CEP57: variants seen among roughly 807,000 people sequenced by gnomAD.
CEP57 encodes centrosomal protein 57.
Under a neutral mutation model 68.0 loss-of-function variants are expected in CEP57, and 40 were observed. That is an observed-to-expected ratio of 0.59 (90% CI 0.46 to 0.77). The LOEUF (loss-of-function observed/expected upper bound fraction) is 0.77. CEP57 is among the 30% of genes least tolerant of loss of function. The pLI is 0.00. For missense variants in CEP57, 606 were observed against 580.7 expected, an observed-to-expected ratio of 1.04 and a Z score of -0.45; for synonymous variants, 219 against 198.7, an observed-to-expected ratio of 1.10 and a Z score of -0.86.
chr11:95,794,914 T>TA (rs1192322487), intron 1 of CEP57, among the ~76,000 whole-genome samples: 1 of 152,218 alleles, frequency 6.6e-6, no homozygotes, highest in Non-Finnish European at 1.5e-5. Flanking sequence ...GTCCCCACAC[T>TA]ACTTGTTGAA....
intron 2 of CEP57, among the ~76,000 whole-genome samples, chr11:95,803,585 C>T (rs1350346804): frequency 8.4e-6 from 1 of 118,684 alleles, no homozygotes; most frequent in African/African-American, 3.3e-5. Flanking sequence ...TAATCTACAA[C>T]AACATAAACC....
intron 1 of CEP57, among the ~76,000 whole-genome samples, chr11:95,798,341 C>CT (rs1425031254): frequency 6.6e-6 from 1 of 152,010 alleles, no homozygotes; most frequent in Admixed American, 6.6e-5. Flanking sequence ...TTTCGATAGC[C>CT]TTTGTTTCAG....
chr11:95,824,671 G>C (rs753072645), intron 8 of CEP57, among the ~76,000 whole-genome samples: 4 of 152,130 alleles, frequency 2.6e-5, no homozygotes, highest in African/African-American at 4.8e-5. Flanking sequence ...CCCTATTCTG[G>C]AAAAACATGA....
At chr11:95,793,972 T>G (rs918275846) in intron 1 of CEP57, among the ~76,000 whole-genome samples, 2 of 152,200 alleles carry the variant, frequency 1.3e-5, no homozygotes, top group Non-Finnish European at 2.9e-5. Flanking sequence ...AAGATCCTTC[T>G]GTAATGACCA....
Position 95,828,004 on chromosome 11 carries a change from G to A in CEP57, c.1104G>A (p.Gln368=), listed in dbSNP as rs1590958462. Residue 368 remains glutamine, a synonymous_variant, in exon 9 of 11, where the codon CAG becomes CAA. Coordinates refer to ENST00000325542, the MANE Select transcript of CEP57 (RefSeq NM_014679.5). Reference sequence around the variant, plus strand: ...TGTCAGAAGTCTTACAGACTTTACAGGATGAATTTGGGCAAATGAGCTTGT... The same window carrying A: ...TGTCAGAAGTCTTACAGACTTTACAAGATGAATTTGGGCAAATGAGCTTGT... ...EELSEVLQTL[Q]DEFGQMSFDH... is the part of the protein sequence containing the mutation. 6.2e-7 allele frequency: 1 copy of A among 1,613,910 alleles called. No homozygotes were observed. Among genetic ancestry groups the A allele is most frequent in the Non-Finnish European group, 8.5e-7 (1 of 1,179,942 alleles).
intron 8 of CEP57, chr11:95,827,508 A>C: frequency 2.5e-6 from 1 of 395,452 alleles, no homozygotes. Context: ...GTTTGTTCAC[A>C]AAATGGAGAG....
intron 2 of CEP57, among the ~76,000 whole-genome samples, chr11:95,811,442 A>AGG (rs775662281): frequency 0.023 from 691 of 29,586 alleles, 6 homozygotes; most frequent in Non-Finnish European, 0.033. Context: ...GGTTGGGGGG[A>AGG]GGGGGGAGGG....
intron 6 of CEP57, 104 bp from the exon 7 acceptor site, chr11:95,821,767 A>G: frequency 1.3e-6 from 1 of 748,876 alleles, no homozygotes; most frequent in South Asian, 1.5e-5. Context: ...TTTTTCAGTT[A>G]GATACTACCA....
At chr11:95,797,084 C>G (rs1427359699) in intron 1 of CEP57, among the ~76,000 whole-genome samples, 1 of 152,024 alleles carries the variant, frequency 6.6e-6, no homozygotes, top group Non-Finnish European at 1.5e-5. Flanking sequence ...CCGCTGGTCA[C>G]TGGGCTCAAT....
At chr11:95,801,917 A>G (rs981446658) in intron 2 of CEP57, among the ~76,000 whole-genome samples, 5 of 152,202 alleles carry the variant, frequency 3.3e-5, no homozygotes, top group African/African-American at 1.2e-4. Flanking sequence ...TATTTAAGCA[A>G]TGTCCCAGGA....
At chr11:95,796,637 A>T (rs1861360769) in intron 1 of CEP57, among the ~76,000 whole-genome samples, 1 of 152,196 alleles carries the variant, frequency 6.6e-6, no homozygotes, top group African/African-American at 2.4e-5. Flanking sequence ...TAATTTCTCC[A>T]GCAAAAATTC....
rs1442739902 is a variant in CEP57 at position 95,832,058 on chromosome 11, T to TA, written c.*804dup. On this transcript the variant is annotated 3_prime_UTR_variant, in exon 11 of 11. Coordinates refer to ENST00000325542, the MANE Select transcript of CEP57 (RefSeq NM_014679.5). ...TATTCAGTCAAGGCATTATGGTTTT[T>TA]AATCTTGAAACTTAGAGAACCCTTT... 6.6e-6 allele frequency: 1 copy of TA among 152,164 alleles called. No homozygotes were observed. 9.4% of individuals were successfully genotyped at this position (152,164 alleles called of 1,614,324 possible). A position where few individuals can be genotyped will look rare whatever the true frequency, so the allele number is the denominator to read the frequency against.
At chr11:95,806,394 C>A (rs562870881) in intron 2 of CEP57, among the ~76,000 whole-genome samples, 1 of 152,220 alleles carries the variant, frequency 6.6e-6, no homozygotes, top group Non-Finnish European at 1.5e-5. Flanking sequence ...GAGTGCAGTC[C>A]ATGGAGTATG....
chr11:95,806,876 T>C (rs578113), intron 2 of CEP57, among the ~76,000 whole-genome samples: 90,561 of 152,092 alleles, frequency 0.6, 29,191 homozygotes, highest in African/African-American at 0.86. Flanking sequence ...AGCAGTGGTT[T>C]TCCCAGCACG....
chr11:95,823,067 G>A, intron 8 of CEP57: 1 of 184,766 alleles, frequency 5.4e-6, no homozygotes, highest in South Asian at 1.2e-4. Context: ...AAGCTGTATT[G>A]TCATATATCA....
rs1215703153 is a variant in CEP57, at chr11:95,799,311, A to G, written c.125A>G (p.Asp42Gly). Residue 42 changes from aspartate to glycine, a missense_variant, in exon 2 of 11, where the codon GAT becomes GGT. Physicochemically the swap from Asp to Gly is moderately conservative, Grantham distance 94 (BLOSUM62 -1). Coordinates refer to ENST00000325542, the MANE Select transcript of CEP57 (RefSeq NM_014679.5). ...TCTCCATATGTAGTATATCCTTCGG[A>G]TAAGCCTTTCCTTAATAGTGATCTA... ...SSSPYVVYPS[D>G]KPFLNSDLRR... 1 of 1,614,156 alleles carries G rather than the reference A, an allele frequency of 6.2e-7. No individual in the cohort carries two copies. The highest frequency in any genetic ancestry group is 1.7e-5 in the Admixed American group (1 of 60,022).
chr11:95,825,803 G>A (rs1862716685), intron 8 of CEP57: 1 of 151,880 alleles, frequency 6.6e-6, no homozygotes, highest in African/African-American at 2.4e-5. Context: ...TCTCCATGTT[G>A]GCCAGGCTGG....
At chr11:95,799,482 A>G (rs1218426932) in intron 2 of CEP57, 94 bp downstream of exon 2, 28 of 1,452,168 alleles carry the variant, frequency 1.9e-5, no homozygotes, top group Non-Finnish European at 2.6e-5. Flanking sequence ...TTAGAGGAAA[A>G]TATATTTCCC....
chr11:95,801,322 C>T (rs548040929), intron 2 of CEP57, among the ~76,000 whole-genome samples: 1 of 151,808 alleles, frequency 6.6e-6, no homozygotes, highest in African/African-American at 2.4e-5. Flanking sequence ...TACTGTGTCT[C>T]GATGATAACG....
Sources: allele counts gnomAD v4.1 joint callset (sites outside exome capture counted in the v4.1 genomes callset), GRCh38; gene constraint gnomAD v4.1.1; transcripts MANE v1.5; gene names NCBI Gene and HGNC (gene_info 2026-07-23, HGNC 2026-07-21).